Variants in FETUB observed in about 807,000 individuals in gnomAD.
FETUB encodes fetuin B.
FETUB carries 28 observed loss-of-function variants against 30.9 expected under a neutral mutation model. The ratio of observed to expected loss-of-function variants is 0.90; its 90% CI spans 0.67 to 1.24. FETUB has a LOEUF of 1.24. Among genes scored for constraint, FETUB ranks in the 50% most tolerant of loss-of-function variants. The pLI, the probability that FETUB is intolerant of heterozygous loss-of-function variation, is 0.00. For synonymous variants in FETUB, 186 were observed against 175.9 expected (o/e 1.06, Z -0.45); for missense variants, 469 against 455.3 (o/e 1.03, Z -0.27).
rs1175085598 is a variant in FETUB, at chr3:186,642,471, G to A, written c.337G>A (p.Val113Ile). 6.3e-7 allele frequency: 1 copy of A among 1,584,814 alleles called. No homozygotes were observed. ...DCGMRIFFES[V>I]YGQCKAIFYM... ...CATAAAATGCATTTGTTGGTTTCAG[G>A]TTTATGGTCAATGCAAAGCAATATT... Residue 113 changes from valine (V) to isoleucine (I), a missense_variant and splice_region_variant, in exon 3 of 7, where the codon GTT becomes ATT. By Grantham distance (29) the Val-to-Ile change is conservative. Coordinates refer to ENST00000265029, the MANE Select transcript of FETUB (RefSeq NM_014375.3).
At chr3:186,648,070 G>A (rs2108537566) in intron 5 of FETUB, among the ~76,000 whole-genome samples, 1 of 151,576 alleles carries the variant, frequency 6.6e-6, no homozygotes, top group East Asian at 1.9e-4. Context: ...GTGTCTTGGT[G>A]GTATAAGAAT....
In FETUB at chr3:186,640,839, A is replaced by G. The variant is rs577797347; in HGVS notation, c.225+154A>G. 1.3e-5 allele frequency: 9 copies of G among 719,292 alleles called. No individual in the cohort carries two copies. The Admixed American group carries it at 1.4e-4, about 11-fold the overall frequency. The allele number at this position is 719,292 out of a possible 1,614,324, so 44.6% of individuals were successfully genotyped here. On this transcript the variant is annotated intron_variant, in intron 1 of 6. Transcript: ENST00000265029. ...TTCTCCTCTGCCAGGGTCAGCAACAACGCACTTATTGTTAGTAAAAACAAG... is the reference window on the plus strand; with the variant it reads ...TTCTCCTCTGCCAGGGTCAGCAACAGCGCACTTATTGTTAGTAAAAACAAG...
At chr3:186,641,233 T>G in intron 2 of FETUB, 93 bp downstream of exon 2, 2 of 742,468 alleles carry the variant, frequency 2.7e-6, no homozygotes, top group Non-Finnish European at 4.7e-6. Context: ...ATATCTGTCA[T>G]CTTTTAAATG....
chr3:186,645,106 G>A (rs1717393497), intron 4 of FETUB, among the ~76,000 whole-genome samples, 186 bp downstream of exon 4: 1 of 152,186 alleles, frequency 6.6e-6, no homozygotes, highest in Admixed American at 6.5e-5. Context: ...GTGATTCCAT[G>A]GCATTTCTAC....
chr3:186,640,167 T>C (rs1353247230), upstream of FETUB, among the ~76,000 whole-genome samples: 1 of 152,220 alleles, frequency 6.6e-6, no homozygotes, highest in Non-Finnish European at 1.5e-5. Flanking sequence ...AATCAGAATC[T>C]AATCATAAGA....
Position 186,653,076 on chromosome 3 carries a change from G to C in FETUB, c.*445G>C, listed in dbSNP as rs1044197652. The C allele has an allele frequency of 1.3e-5, 2 of 158,246 alleles. No homozygotes were observed. The highest frequency in any genetic ancestry group is 4.8e-5 in the African/African-American group (2 of 41,498). 9.8% of individuals were successfully genotyped at this position (158,246 alleles called of 1,614,324 possible). The stretch of plus-strand genomic sequence containing the variant: ...CTAAATTCCCTTTAATTCCAGGACA[G>C]GTATTAGCTGCGTAGGGCCCATACC... On this transcript the variant is annotated 3_prime_UTR_variant, in exon 7 of 7. Coordinates refer to ENST00000265029, the MANE Select transcript of FETUB (RefSeq NM_014375.3).
chr3:186,645,000 G>T, intron 4 of FETUB, 80 bp downstream of exon 4: 2 of 1,173,266 alleles, frequency 1.7e-6, no homozygotes, highest in Non-Finnish European at 2.4e-6. Context: ...GGAGGAAAAT[G>T]TCAAGGCACT....
chr3:186,638,222 A>G (rs915594700), upstream of FETUB, among the ~76,000 whole-genome samples: 35 of 152,178 alleles, frequency 2.3e-4, no homozygotes, highest in Admixed American at 1.7e-3. Context: ...AGATTGATCT[A>G]TCTCCACAGC....
chr3:186,640,828 G>A (rs2108514731), intron 1 of FETUB, 143 bp downstream of exon 1: 1 of 746,078 alleles, frequency 1.3e-6, no homozygotes. Flanking sequence ...CCTCTGCCAG[G>A]GTCAGCAACA....
chr3:186,643,321 A>G (rs1717225510), intron 3 of FETUB, among the ~76,000 whole-genome samples: 1 of 152,204 alleles, frequency 6.6e-6, no homozygotes, highest in Non-Finnish European at 1.5e-5. Context: ...ATGCACATGC[A>G]TTCATTTGGG....
chr3:186,641,415 C>A lies in FETUB; in HGVS notation c.336+275C>A, dbSNP rs532189692. 84 of 311,934 alleles carry A rather than the reference C, an allele frequency of 2.7e-4. 3 individuals carry two copies. The South Asian group carries it at 4.1e-3, about 15-fold the overall frequency. The allele number at this position is 311,934 out of a possible 1,614,324, so 19.3% of individuals were successfully genotyped here. On this transcript the variant is annotated intron_variant, in intron 2 of 6. Transcript: ENST00000265029. ...TACCTCCAAGACCTTCCGTTAGGCT[C>A]TGAACCAGTGTTTCAATTGTGAGAA...
Position 186,652,531 on chromosome 3 carries a change from AGG to A in FETUB, c.1050_1051del (p.Lys352AlafsTer15). 6.2e-7 allele frequency: 1 copy of A among 1,614,106 alleles called. No individual in the cohort carries two copies. Among genetic ancestry groups the A allele is most frequent in the Non-Finnish European group, 8.5e-7 (1 of 1,180,034 alleles). On this transcript the variant is annotated frameshift_variant, in exon 7 of 7. Coordinates refer to ENST00000265029, the MANE Select transcript of FETUB (RefSeq NM_014375.3). LOFTEE classifies it low-confidence loss of function (END_TRUNC). ...TCCTTCCTCTTCCTGGAGCCTATGG[AGG>A]AGAAGCTGGTGGTCCTGCCTTTCCC...
intron 5 of FETUB, among the ~76,000 whole-genome samples, chr3:186,650,038 A>T (rs2108543701): frequency 6.6e-6 from 1 of 151,988 alleles, no homozygotes; most frequent in East Asian, 2.0e-4. Flanking sequence ...ACACATGCAC[A>T]TCACATTTTA....
In FETUB at chr3:186,640,697, C is replaced by G; in HGVS notation, c.225+12C>G. 1 of 1,604,994 alleles carries G rather than the reference C, an allele frequency of 6.2e-7. No individual in the cohort carries two copies. The highest frequency in any genetic ancestry group is 8.5e-7 in the Non-Finnish European group (1 of 1,171,746). On this transcript the variant is annotated intron_variant, in intron 1 of 6. Coordinates refer to ENST00000265029, the MANE Select transcript of FETUB (RefSeq NM_014375.3). ...AGGAATACAGACGGGCAAGTAGGGA[C>G]AGTTCCCACTCTGGGGCAGGGATGT...
At chr3:186,642,343 C>G (rs1287134218) in intron 2 of FETUB, 128 bp from the exon 3 acceptor site, 1 of 636,788 alleles carries the variant, frequency 1.6e-6, no homozygotes, top group East Asian at 2.7e-5. Context: ...TCCTCCCAGC[C>G]AAAACCACAG....
chr3:186,642,615 C>A, intron 3 of FETUB, 57 bp downstream of exon 3: 1 of 1,055,120 alleles, frequency 9.5e-7, no homozygotes, highest in Non-Finnish European at 1.5e-6. Flanking sequence ...GAGTACTTAA[C>A]CAGGTCTTTG....
chr3:186,649,122 T>C (rs896783332), intron 5 of FETUB, among the ~76,000 whole-genome samples: 3 of 152,200 alleles, frequency 2.0e-5, no homozygotes, highest in Non-Finnish European at 4.4e-5. Context: ...CCAGATCTCC[T>C]TGGTGCAAGT....
upstream of FETUB, chr3:186,636,103 C>T (rs1371873120): frequency 2.0e-5 from 3 of 152,266 alleles, no homozygotes; most frequent in Non-Finnish European, 4.4e-5. Context: ...CAGGCCTGAA[C>T]AACTCTGGGT....
chr3:186,640,351 G>A, upstream of FETUB: 1 of 779,996 alleles, frequency 1.3e-6, no homozygotes, highest in East Asian at 2.5e-5. Flanking sequence ...AACTTGGTTA[G>A]CCCTTCCAGT....
Sources: allele counts gnomAD v4.1 joint callset (sites outside exome capture counted in the v4.1 genomes callset), GRCh38; gene constraint gnomAD v4.1.1; transcripts MANE v1.5; gene names NCBI Gene and HGNC (gene_info 2026-07-23, HGNC 2026-07-21).